The following SCFD2 variants were observed in gnomAD, a reference collection of about 807,000 sequenced individuals.
The protein encoded by SCFD2 is sec1 family domain containing 2, also known as sec1 family domain-containing protein 2.
Under a neutral mutation model 58.9 loss-of-function variants are expected in SCFD2, and 54 were observed. The ratio of observed to expected loss-of-function variants is 0.92; its 90% confidence interval spans 0.74 to 1.15. SCFD2 has a LOEUF of 1.15. SCFD2 is among the 50% of genes most tolerant of loss of function. The pLI is 0.00. For synonymous variants in SCFD2, 321 were observed against 335.9 expected (o/e 0.96, Z 0.49); for missense variants, 805 against 836.6 (o/e 0.96, Z 0.47).
chr4:53,192,722 G>A (rs560079187), intron 4 of SCFD2, among the ~76,000 whole-genome samples: 16 of 152,214 alleles, frequency 1.1e-4, no homozygotes, highest in African/African-American at 3.9e-4. Flanking sequence ...GTTTTGCTGT[G>A]ATGATTAAAT....
chr4:52,927,673 C>G (rs1224452094), intron 5 of SCFD2, among the ~76,000 whole-genome samples: 1 of 152,146 alleles, frequency 6.6e-6, no homozygotes, highest in East Asian at 1.9e-4. Flanking sequence ...CTGGCACACA[C>G]AGGTTTGAGA....
At chr4:53,183,526 T>C in intron 4 of SCFD2, among the ~76,000 whole-genome samples, 1 of 151,920 alleles carries the variant, frequency 6.6e-6, no homozygotes, top group East Asian at 1.9e-4. Flanking sequence ...TGGGGAGGGA[T>C]AGCATTAGGA....
chr4:53,191,525 G>A (rs1476466334), intron 4 of SCFD2, among the ~76,000 whole-genome samples: 1 of 151,944 alleles, frequency 6.6e-6, no homozygotes, highest in African/African-American at 2.4e-5. Flanking sequence ...TCCTGCCTCA[G>A]CCTCCCGAGT....
intron 6 of SCFD2, among the ~76,000 whole-genome samples, chr4:52,912,100 T>C (rs1222625522): frequency 6.6e-6 from 1 of 152,012 alleles, no homozygotes; most frequent in Non-Finnish European, 1.5e-5. Context: ...TGCATAATGC[T>C]ATAATAGTAA....
chr4:53,253,331 C>T (rs35820026), intron 4 of SCFD2, among the ~76,000 whole-genome samples: 25,421 of 151,914 alleles, frequency 0.17, 2,724 homozygotes, highest in Non-Finnish European at 0.24. Flanking sequence ...GTCAGTGTGG[C>T]GATTCCTCAG....
At chr4:53,253,393 A>G (rs1363324357) in intron 4 of SCFD2, among the ~76,000 whole-genome samples, 1 of 152,124 alleles carries the variant, frequency 6.6e-6, no homozygotes, top group Non-Finnish European at 1.5e-5. Context: ...TACTGGGTAT[A>G]TACCCAAAGG....
intron 2 of SCFD2, among the ~76,000 whole-genome samples, chr4:53,329,905 C>G (rs1470910232): frequency 6.6e-6 from 1 of 151,908 alleles, no homozygotes; most frequent in East Asian, 1.9e-4. Flanking sequence ...CTTAAAGGAG[C>G]TGATGCAGCT....
intron 1 of SCFD2, among the ~76,000 whole-genome samples, chr4:53,357,109 A>G (rs1453159708): frequency 6.6e-6 from 1 of 152,064 alleles, no homozygotes; most frequent in African/African-American, 2.4e-5. Context: ...GTAATAGATA[A>G]TATGTATTTT....
rs78666436 is a variant in SCFD2 at position 53,022,651 on chromosome 4, T to C, written c.1562-101781A>G. Among the ~76,000 whole-genome samples, 1,348 of 152,314 alleles carry C rather than the reference T, an allele frequency of 8.9e-3. 15 individuals carry two copies. The highest frequency in any genetic ancestry group is 0.031 in the African/African-American group (1,289 of 41,580). On this transcript the variant is annotated intron_variant, in intron 5 of 8. Coordinates refer to ENST00000401642, the MANE Select transcript of SCFD2 (RefSeq NM_152540.4). ...CCTTGGCAAGTTTTAAACTTTCTCC[T>C]GATCTCTAAAGAGGGGATTAATTCC...
intron 5 of SCFD2, among the ~76,000 whole-genome samples, chr4:53,081,320 C>T (rs530759181): frequency 5.9e-5 from 9 of 152,104 alleles, no homozygotes; most frequent in African/African-American, 1.4e-4. Flanking sequence ...GGGAATATTG[C>T]GTGATGCTGA....
At chr4:52,946,711 C>G (rs926082341) in intron 5 of SCFD2, among the ~76,000 whole-genome samples, 1 of 152,182 alleles carries the variant, frequency 6.6e-6, no homozygotes, top group African/African-American at 2.4e-5. Flanking sequence ...AAGAAATAGG[C>G]TCTCATCTTT....
chr4:53,250,355 G>T (rs1730314290), intron 4 of SCFD2, among the ~76,000 whole-genome samples: 1 of 152,120 alleles, frequency 6.6e-6, no homozygotes. Context: ...AATAATGGGA[G>T]ACTTTAACAC....
At chr4:52,896,935 G>A (rs1719031210) in intron 7 of SCFD2, among the ~76,000 whole-genome samples, 1 of 152,174 alleles carries the variant, frequency 6.6e-6, no homozygotes, top group African/African-American at 2.4e-5. Flanking sequence ...GTGAATGGGA[G>A]TTCACTCATG....
chr4:53,260,610 T>G (rs1730802025), intron 4 of SCFD2, among the ~76,000 whole-genome samples: 1 of 152,156 alleles, frequency 6.6e-6, no homozygotes, highest in African/African-American at 2.4e-5. Context: ...CTTTTTGACA[T>G]GCTGGTGGAC....
chr4:52,898,954 C>T (rs1157379145), intron 7 of SCFD2, among the ~76,000 whole-genome samples: 1 of 152,056 alleles, frequency 6.6e-6, no homozygotes, highest in Non-Finnish European at 1.5e-5. Context: ...CTGTTTTATC[C>T]AAGACTAGGA....
chr4:53,007,487 C>T (rs1291917918), intron 5 of SCFD2, among the ~76,000 whole-genome samples: 1 of 151,924 alleles, frequency 6.6e-6, no homozygotes, highest in African/African-American at 2.4e-5. Context: ...TTTAAAAGCA[C>T]TGTGAGAGGT....
chr4:52,937,459 C>G lies in SCFD2; in HGVS notation c.1562-16589G>C, dbSNP rs892409831. On this transcript the variant is annotated intron_variant, in intron 5 of 8. Transcript: ENST00000401642. ...GATAAGTGGACTTACGTGGGGGCAC[C>G]AGGAGAGAAGCAGACCATCTGCAAG... Among the ~76,000 whole-genome samples the G allele has an allele frequency of 2.6e-5, 4 of 152,166 alleles. No individual in the cohort carries two copies. The South Asian group carries it at 8.3e-4, about 32-fold the overall frequency.
chr4:52,939,370 T>C (rs1012387828), intron 5 of SCFD2, among the ~76,000 whole-genome samples: 17 of 152,202 alleles, frequency 1.1e-4, no homozygotes, highest in African/African-American at 4.1e-4. Context: ...TGTTCAGAAT[T>C]GCTAGTAAGT....
intron 5 of SCFD2, among the ~76,000 whole-genome samples, chr4:52,969,597 C>G (rs1721044933): frequency 6.6e-6 from 1 of 152,148 alleles, no homozygotes; most frequent in South Asian, 2.1e-4. Flanking sequence ...TACTTCCAGA[C>G]AGGACTCTTA....
Sources: gnomAD v4.1 joint callset for allele counts (sites outside exome capture counted in the v4.1 genomes callset) on GRCh38, gnomAD v4.1.1 for gene constraint, MANE v1.5 for transcripts, NCBI Gene and HGNC (gene_info 2026-07-23, HGNC 2026-07-21) for gene names.